Variants in GALNTL6 observed in about 807,000 individuals in gnomAD.
GALNTL6 encodes polypeptide N-acetylgalactosaminyltransferase like 6.
In GALNTL6, 46 loss-of-function variants were observed where a neutral mutation model predicts 73.7. That is an observed-to-expected ratio of 0.62 (90% CI 0.49 to 0.80). The LOEUF (loss-of-function observed/expected upper bound fraction) is 0.80, where lower values mean the gene tolerates loss of function less well. Among genes scored for constraint, GALNTL6 ranks in the 30% least tolerant of loss-of-function variants. GALNTL6 has a pLI of 0.00. For missense variants in GALNTL6, 604 were observed against 755.0 expected, an observed-to-expected ratio of 0.80 and a Z score of 2.34; for synonymous variants, 259 against 263.7, an observed-to-expected ratio of 0.98 and a Z score of 0.17.
At chr4:172,879,076 A>G (rs1014213122) in intron 7 of GALNTL6, among the ~76,000 whole-genome samples, 1 of 151,886 alleles carries the variant, frequency 6.6e-6, no homozygotes, top group Non-Finnish European at 1.5e-5. Flanking sequence ...AACAACAACA[A>G]AAAAGCCTGA....
chr4:172,003,205 C>T (rs1375251854), intron 2 of GALNTL6, among the ~76,000 whole-genome samples: 1 of 151,912 alleles, frequency 6.6e-6, no homozygotes, highest in Admixed American at 6.6e-5. Flanking sequence ...TTTTTTATAA[C>T]CATATGAAAA....
At chr4:172,130,413 T>C (rs1733456712) in intron 2 of GALNTL6, among the ~76,000 whole-genome samples, 1 of 152,040 alleles carries the variant, frequency 6.6e-6, no homozygotes, top group Non-Finnish European at 1.5e-5. Flanking sequence ...CCTATATTTT[T>C]GTTCATACTG....
At chr4:171,992,067 T>C (rs1425198163) in intron 2 of GALNTL6, among the ~76,000 whole-genome samples, 1 of 151,980 alleles carries the variant, frequency 6.6e-6, no homozygotes, top group Non-Finnish European at 1.5e-5. Context: ...TTGAATCAGA[T>C]ATTATGGCTC....
chr4:172,240,458 C>T (rs1408822494), intron 3 of GALNTL6, among the ~76,000 whole-genome samples: 2 of 151,892 alleles, frequency 1.3e-5, no homozygotes, highest in Non-Finnish European at 2.9e-5. Flanking sequence ...GTCTCCATCT[C>T]CTGACCTCGT....
chr4:172,774,581 C>T (rs1424322188), intron 5 of GALNTL6, among the ~76,000 whole-genome samples: 1 of 152,114 alleles, frequency 6.6e-6, no homozygotes, highest in African/African-American at 2.4e-5. Context: ...AGAATGAAGT[C>T]GAAACATGTA....
intron 2 of GALNTL6, among the ~76,000 whole-genome samples, chr4:171,944,516 G>A (rs529777106): frequency 1.3e-5 from 2 of 152,016 alleles, no homozygotes; most frequent in African/African-American, 4.8e-5. Flanking sequence ...ATTTCTACTG[G>A]TGTTTTCAAA....
intron 2 of GALNTL6, among the ~76,000 whole-genome samples, chr4:172,106,158 A>G (rs941166218): frequency 6.6e-6 from 1 of 152,196 alleles, no homozygotes; most frequent in African/African-American, 2.4e-5. Context: ...GATAAGCAAT[A>G]GTAGGTAATG....
intron 5 of GALNTL6, among the ~76,000 whole-genome samples, chr4:172,801,881 C>T (rs2110962483): frequency 6.6e-6 from 1 of 152,320 alleles, no homozygotes; most frequent in Middle Eastern, 3.4e-3. Flanking sequence ...CTTCTTCCTT[C>T]TCCTCAGCCT....
chr4:173,026,883 T>A (rs1753254888), intron 12 of GALNTL6, among the ~76,000 whole-genome samples: 2 of 152,200 alleles, frequency 1.3e-5, no homozygotes, highest in Admixed American at 1.3e-4. Flanking sequence ...GTTTAGGAAA[T>A]CCTGGCCTTC....
At chr4:172,473,912 A>G (rs1733140356) in intron 5 of GALNTL6, among the ~76,000 whole-genome samples, 1 of 152,232 alleles carries the variant, frequency 6.6e-6, no homozygotes. Flanking sequence ...CACAGTAGCC[A>G]GAGTGATCCT....
At position 172,882,871 on chromosome 4, in the gene GALNTL6, A is replaced by T; in HGVS notation, c.1005A>T (p.Glu335Asp). 6.2e-7 allele frequency: 1 copy of T among 1,610,050 alleles called. No homozygotes were observed. The highest frequency in any genetic ancestry group is 8.5e-7 in the Non-Finnish European group (1 of 1,176,484). The change falls in exon 8 of 13, where the codon GAA becomes GAT. Residue 335 changes from glutamate to aspartate, a missense_variant. Physicochemically the swap from Glu to Asp is conservative, Grantham distance 45. Around this residue, in one of 5 missense-constraint regions of GALNTL6, gnomAD observed 179 missense variants for 230.8 expected, o/e 0.78. Transcript: ENST00000506823. Reference protein sequence around the residue: ...WELGGYDPGLEIWGGEQYEIS... With the variant: ...WELGGYDPGLDIWGGEQYEIS... ...TGGGTGGCTATGATCCAGGTTTAGA[A>T]ATCTGGGGAGGAGAACAGTATGAAA...
intron 5 of GALNTL6, among the ~76,000 whole-genome samples, chr4:172,547,984 A>G (rs1874505): frequency 0.83 from 126,596 of 152,092 alleles, 52,829 homozygotes; most frequent in Non-Finnish European, 0.87. Context: ...GGCTTGTCCG[A>G]TTGCCATGGA....
At chr4:172,739,774 C>T (rs1364825231) in intron 5 of GALNTL6, among the ~76,000 whole-genome samples, 1 of 151,768 alleles carries the variant, frequency 6.6e-6, no homozygotes, top group Non-Finnish European at 1.5e-5. Flanking sequence ...TTAGATTTGG[C>T]TGAGAAACAA....
intron 2 of GALNTL6, among the ~76,000 whole-genome samples, chr4:171,923,888 T>C (rs189104491): frequency 6.6e-6 from 1 of 151,468 alleles, no homozygotes; most frequent in East Asian, 2.0e-4. Flanking sequence ...ACTTAAGAAT[T>C]AGCTTATTCA....
chr4:172,753,274 C>T (rs1229882178), intron 5 of GALNTL6, among the ~76,000 whole-genome samples: 1 of 152,170 alleles, frequency 6.6e-6, no homozygotes, highest in African/African-American at 2.4e-5. Flanking sequence ...GTGAAGCCCC[C>T]ACCTCAGCCA....
intron 2 of GALNTL6, among the ~76,000 whole-genome samples, chr4:171,916,302 C>T (rs919541139): frequency 2.0e-5 from 3 of 151,806 alleles, no homozygotes; most frequent in African/African-American, 7.3e-5. Context: ...TTTTTTGTCT[C>T]CTCCACTTTG....
At chr4:172,549,370 A>G (rs1265528638) in intron 5 of GALNTL6, among the ~76,000 whole-genome samples, 1 of 152,128 alleles carries the variant, frequency 6.6e-6, no homozygotes, top group Admixed American at 6.5e-5. Flanking sequence ...TCCTAACCCT[A>G]GTTTCTCTAG....
intron 2 of GALNTL6, among the ~76,000 whole-genome samples, chr4:172,034,838 C>A (rs543455275): frequency 2.0e-5 from 3 of 152,132 alleles, no homozygotes; most frequent in African/African-American, 7.2e-5. Context: ...CAGTCAAGAA[C>A]ATGCTTTCTA....
At chr4:172,483,575 G>T (rs1292980513) in intron 5 of GALNTL6, among the ~76,000 whole-genome samples, 1 of 152,142 alleles carries the variant, frequency 6.6e-6, no homozygotes, top group African/African-American at 2.4e-5. Flanking sequence ...AAATTCATTT[G>T]CAGCAGTGTC....
Sources: gnomAD v4.1 joint callset for allele counts (sites outside exome capture counted in the v4.1 genomes callset) on GRCh38, gnomAD v4.1.1 for gene constraint, gnomAD v4.1.1 regional missense constraint, MANE v1.5 for transcripts, NCBI Gene and HGNC (gene_info 2026-07-23, HGNC 2026-07-21) for gene names.